The following ANK3 variants were observed in gnomAD, a reference collection of about 807,000 sequenced individuals.
The protein encoded by ANK3 is ankyrin-3.
A neutral mutation model predicts 370.9 loss-of-function variants in ANK3; 57 were observed. The ratio of observed to expected loss-of-function variants is 0.15; its 90% CI spans 0.12 to 0.19. The LOEUF (loss-of-function observed/expected upper bound fraction) is 0.19. ANK3 is among the 10% of genes least tolerant of loss of function. The pLI is 1.00. For missense variants in ANK3, 4,439 were observed against 5,302.1 expected, an observed-to-expected ratio of 0.84 and a Z score of 5.06; for synonymous variants, 1,929 against 1,946.3, an observed-to-expected ratio of 0.99 and a Z score of 0.23.
At chr10:60,258,389 T>C (rs1212487439) in intron 7 of ANK3, among the ~76,000 whole-genome samples, 2 of 152,196 alleles carry the variant, frequency 1.3e-5, no homozygotes, top group Non-Finnish European at 2.9e-5. Flanking sequence ...ATATACCTAG[T>C]AAAATTACAA....
rs2097843594 is a variant in ANK3, at chr10:60,263,815, C to T, written c.699+20G>A. ...AACACCGGAGAGTTGCATGACAGGC[C>T]CGTGTCCCTCGTGCCTCACCTTTGA... On this transcript the variant is annotated intron_variant, in intron 6 of 43. Transcript: ENST00000280772. The T allele has an allele frequency of 6.2e-7, 1 of 1,612,596 alleles. No homozygotes were observed. The highest frequency in any genetic ancestry group is 1.7e-5 in the Admixed American group (1 of 60,006).
intron 16 of ANK3, among the ~76,000 whole-genome samples, chr10:60,188,238 A>G (rs1453440597): frequency 6.6e-6 from 1 of 152,172 alleles, no homozygotes; most frequent in Non-Finnish European, 1.5e-5. Context: ...AGAGAGAGAC[A>G]ATCAAGATTC....
intron 1 of ANK3, among the ~76,000 whole-genome samples, chr10:60,354,813 T>C (rs1452217873): frequency 6.6e-6 from 1 of 152,208 alleles, no homozygotes; most frequent in Non-Finnish European, 1.5e-5. Flanking sequence ...GGAATGTTAT[T>C]ATAATACACG....
At chr10:60,575,699 T>C (rs2077674252) in intron 2 of ANK3, among the ~76,000 whole-genome samples, 1 of 152,026 alleles carries the variant, frequency 6.6e-6, no homozygotes, top group Non-Finnish European at 1.5e-5. Flanking sequence ...TATGCTAGAG[T>C]TAAGGCCTTA....
At chr10:60,413,925 A>C (rs920786730) in intron 2 of ANK3, among the ~76,000 whole-genome samples, 1 of 152,172 alleles carries the variant, frequency 6.6e-6, no homozygotes, top group Non-Finnish European at 1.5e-5. Context: ...TGAGCCTAGG[A>C]GGTTGAGGAT....
intron 1 of ANK3, among the ~76,000 whole-genome samples, chr10:60,312,518 T>C (rs1428847689): frequency 6.6e-6 from 1 of 152,184 alleles, no homozygotes. Flanking sequence ...CCTATGGACA[T>C]TGTCAAGTCA....
chr10:60,171,677 G>A (rs2095798284), intron 21 of ANK3, among the ~76,000 whole-genome samples: 1 of 152,204 alleles, frequency 6.6e-6, no homozygotes, highest in Non-Finnish European at 1.5e-5. Flanking sequence ...GGGTTGGAAA[G>A]AAATGACTTA....
chr10:60,190,860 C>T (rs2096464296), intron 16 of ANK3, among the ~76,000 whole-genome samples: 1 of 152,120 alleles, frequency 6.6e-6, no homozygotes, highest in African/African-American at 2.4e-5. Context: ...GTAACCAAAA[C>T]AGCATGGCAC....
intron 2 of ANK3, among the ~76,000 whole-genome samples, chr10:60,510,810 A>G (rs1287072467): frequency 6.6e-6 from 1 of 151,930 alleles, no homozygotes; most frequent in Non-Finnish European, 1.5e-5. Flanking sequence ...ACAGAGAAAG[A>G]CTCTGTCTTG....
Position 60,152,135 on chromosome 10 carries a change from C to A in ANK3, c.2615-13048G>T, listed in dbSNP as rs375094934. ...ATGAATGAAGGTACAGATGTATACA[C>A]CCTAAGACCTATGATAGACACCAGG... On this transcript the variant is annotated intron_variant, in intron 23 of 43. Transcript: ENST00000280772. Among the ~76,000 whole-genome samples, 7 of 152,210 alleles carry A rather than the reference C, an allele frequency of 4.6e-5. No individual in the cohort carries two copies. The East Asian group carries it at 1.2e-3, about 25-fold the overall frequency.
chr10:60,523,100 A>C (rs1394364059), intron 2 of ANK3, among the ~76,000 whole-genome samples: 1 of 152,108 alleles, frequency 6.6e-6, no homozygotes, highest in Non-Finnish European at 1.5e-5. Context: ...GATATCAAGT[A>C]ATCTACTTTT....
intron 8 of ANK3, among the ~76,000 whole-genome samples, chr10:60,228,296 G>A (rs2097193227): frequency 2.0e-5 from 3 of 152,036 alleles, no homozygotes; most frequent in East Asian, 1.9e-4. Context: ...TGCACTTTGG[G>A]AGGCCGAGGT....
At chr10:60,037,765 T>A (rs960190738) in intron 43 of ANK3, among the ~76,000 whole-genome samples, 8 of 152,212 alleles carry the variant, frequency 5.3e-5, no homozygotes, top group African/African-American at 1.7e-4. Flanking sequence ...CATGTGCAAG[T>A]GCCTTTGTGA....
At chr10:60,597,328 G>C (rs112867622) in intron 2 of ANK3, among the ~76,000 whole-genome samples, 1 of 152,150 alleles carries the variant, frequency 6.6e-6, no homozygotes, top group Non-Finnish European at 1.5e-5. Context: ...ACAGACTGCC[G>C]AGATATCATA....
At chr10:60,477,580 T>C (rs1489090474) in intron 2 of ANK3, among the ~76,000 whole-genome samples, 2 of 137,374 alleles carry the variant, frequency 1.5e-5, no homozygotes, top group African/African-American at 5.5e-5. Flanking sequence ...TGAAGAATAG[T>C]GGAAAACAAA....
chr10:60,344,153 C>T (rs1189041749), intron 1 of ANK3, among the ~76,000 whole-genome samples: 2 of 152,230 alleles, frequency 1.3e-5, no homozygotes, highest in Non-Finnish European at 2.9e-5. Context: ...CATCCAAAAT[C>T]CAACAGGTAA....
intron 18 of ANK3, among the ~76,000 whole-genome samples, chr10:60,180,028 G>A (rs10821697): frequency 0.32 from 48,259 of 151,664 alleles, 8,261 homozygotes; most frequent in African/African-American, 0.46. Flanking sequence ...TGAATAAAGC[G>A]GTATGGAATG....
intron 8 of ANK3, among the ~76,000 whole-genome samples, chr10:60,228,742 C>A (rs1372425117): frequency 2.0e-5 from 3 of 151,604 alleles, no homozygotes; most frequent in Non-Finnish European, 4.4e-5. Flanking sequence ...TGATGTAGAG[C>A]TATTTAAAAA....
intron 4 of ANK3, among the ~76,000 whole-genome samples, chr10:60,276,716 C>A (rs2098095746): frequency 6.6e-6 from 1 of 152,156 alleles, no homozygotes; most frequent in Admixed American, 6.5e-5. Flanking sequence ...CTACTCTAAC[C>A]ATTAATAGTC....
Sources: allele counts gnomAD v4.1 joint callset (sites outside exome capture counted in the v4.1 genomes callset), GRCh38; gene constraint gnomAD v4.1.1; transcripts MANE v1.5; gene names NCBI Gene and HGNC (gene_info 2026-07-23, HGNC 2026-07-21).